The following EZH2 variants were observed in gnomAD, a reference collection of about 807,000 sequenced individuals.
EZH2 encodes histone-lysine N-methyltransferase EZH2.
In EZH2, 18 loss-of-function variants were observed where a neutral mutation model predicts 98.4. That is an observed-to-expected ratio of 0.18 (90% confidence interval 0.13 to 0.27). The LOEUF (loss-of-function observed/expected upper bound fraction) is 0.27. Ranked by LOEUF, EZH2 falls within the 10% of genes least tolerant of loss-of-function variation. EZH2 has a pLI of 1.00. For missense variants in EZH2, 470 were observed against 935.1 expected (o/e 0.50, Z 6.49); for synonymous variants, 338 against 312.3 (o/e 1.08, Z -0.87).
At chr7:148,838,094 G>A (rs1408881568) in intron 3 of EZH2, among the ~76,000 whole-genome samples, 1 of 146,482 alleles carries the variant, frequency 6.8e-6, no homozygotes, top group Non-Finnish European at 1.5e-5. Context: ...TTGAGACAGG[G>A]TCTAGCTCTT....
In EZH2 at chr7:148,875,864, A is replaced by T. The variant is rs146164449; in HGVS notation, c.-8+8300T>A. 1.8e-3 allele frequency among the ~76,000 whole-genome samples: 277 copies of T among 152,340 alleles called. 1 individual carries two copies. The highest frequency in any genetic ancestry group is 6.3e-3 in the African/African-American group (262 of 41,592). ...TGCCTACAATGGAATATTAATTCAG[A>T]GAGTTTACTACAAGTCAGGTGCCGC... On this transcript the variant is annotated intron_variant, in intron 1 of 19. Transcript: ENST00000320356.
intron 10 of EZH2, 82 bp downstream of exon 10, chr7:148,817,795 T>C: frequency 6.4e-7 from 1 of 1,564,690 alleles, no homozygotes; most frequent in Non-Finnish European, 8.7e-7. Context: ...CTAAGAAAAT[T>C]ATTCAATGCA....
chr7:148,857,484 C>T (rs1287349898), intron 1 of EZH2, among the ~76,000 whole-genome samples: 2 of 152,176 alleles, frequency 1.3e-5, no homozygotes, highest in Non-Finnish European at 2.9e-5. Context: ...GGTGCAGTGG[C>T]TCATGCTTGT....
At chr7:148,882,951 C>A (rs1821219836) in intron 1 of EZH2, among the ~76,000 whole-genome samples, 1 of 152,178 alleles carries the variant, frequency 6.6e-6, no homozygotes, top group Admixed American at 6.5e-5. Flanking sequence ...TCACAGAAAA[C>A]GAGACCAATT....
Position 148,828,746 on chromosome 7 carries a change from G to C in EZH2, c.619C>G (p.Arg207Gly). ...EEKQKDLEDH[R>G]DDKESRPPRK... ...TCCTAATAATCAGGCATACCATCTC[G>C]GTGATCCTCCAGATCTTTCTGCTTT... The change falls in exon 6 of 20, where the codon CGA becomes GGA. Residue 207 changes from arginine (R) to glycine (G), a missense_variant. By Grantham distance (125) the Arg-to-Gly change is moderately radical. Transcript: ENST00000320356. 6.2e-7 allele frequency: 1 copy of C among 1,612,686 alleles called. No homozygotes were observed. Among genetic ancestry groups the C allele is most frequent in the Non-Finnish European group, 8.5e-7 (1 of 1,179,756 alleles).
At chr7:148,856,548 T>C (rs1262605181) in intron 1 of EZH2, among the ~76,000 whole-genome samples, 1 of 152,184 alleles carries the variant, frequency 6.6e-6, no homozygotes, top group Non-Finnish European at 1.5e-5. Context: ...AAGACTTTTG[T>C]TTCTAAATAC....
chr7:148,854,803 T>C (rs1469026615), intron 1 of EZH2, among the ~76,000 whole-genome samples: 2 of 152,260 alleles, frequency 1.3e-5, no homozygotes, highest in African/African-American at 4.8e-5. Flanking sequence ...CAGCTGTTAG[T>C]ATCATTTGGC....
intron 1 of EZH2, among the ~76,000 whole-genome samples, chr7:148,852,757 C>G (rs1380645192): frequency 6.6e-6 from 1 of 152,154 alleles, no homozygotes; most frequent in African/African-American, 2.4e-5. Flanking sequence ...CAGACCTTCC[C>G]AAATTTCGGA....
chr7:148,824,940 G>T (rs1807261513), intron 8 of EZH2, among the ~76,000 whole-genome samples: 1 of 151,762 alleles, frequency 6.6e-6, no homozygotes, highest in African/African-American at 2.4e-5. Flanking sequence ...CTAGAATGAG[G>T]TAAGTAACAG....
chr7:148,808,234 C>A (rs184114016), intron 19 of EZH2, among the ~76,000 whole-genome samples: 205 of 152,314 alleles, frequency 1.3e-3, no homozygotes, highest in Middle Eastern at 0.01. Flanking sequence ...GAAGCTCCAC[C>A]CCACACTCTT....
chr7:148,815,604 G>A, intron 12 of EZH2, 58 bp from the exon 13 acceptor site: 1 of 1,466,572 alleles, frequency 6.8e-7, no homozygotes, highest in African/African-American at 1.4e-5. Context: ...AAATCCAACA[G>A]AGAGCTGCTT....
intron 3 of EZH2, 97 bp downstream of exon 3, chr7:148,846,373 C>T (rs1422762197): frequency 2.2e-6 from 3 of 1,365,884 alleles, no homozygotes; most frequent in African/African-American, 1.5e-5. Context: ...GATGGACACC[C>T]TGAGGTCAAT....
intron 1 of EZH2, among the ~76,000 whole-genome samples, chr7:148,848,839 G>A (rs1054748264): frequency 6.6e-5 from 10 of 151,984 alleles, no homozygotes; most frequent in Admixed American, 2.0e-4. Context: ...GACACCCCTC[G>A]GATACCAAAA....
chr7:148,816,095 C>T (rs1701417304), intron 12 of EZH2, among the ~76,000 whole-genome samples: 1 of 152,100 alleles, frequency 6.6e-6, no homozygotes, highest in Non-Finnish European at 1.5e-5. Context: ...CCTTACCTAC[C>T]CAATTAGGTT....
chr7:148,852,927 G>A (rs141394857), intron 1 of EZH2, among the ~76,000 whole-genome samples: 318 of 152,228 alleles, frequency 2.1e-3, no homozygotes, highest in African/African-American at 7.2e-3. Flanking sequence ...AATCCACGAA[G>A]ACTCAAGTCC....
intron 1 of EZH2, among the ~76,000 whole-genome samples, chr7:148,852,909 G>C (rs1816112539): frequency 6.6e-6 from 1 of 152,084 alleles, no homozygotes. Context: ...ACCCCCAACA[G>C]ATACCAAAAT....
intron 3 of EZH2, chr7:148,836,710 T>TA (rs1052896346): frequency 6.9e-4 from 256 of 372,208 alleles, no homozygotes; most frequent in Middle Eastern, 1.8e-3. Context: ...ATCAATGGTT[T>TA]AAAAAAAAAG....
intron 3 of EZH2, chr7:148,837,056 G>C (rs954269699): frequency 1.1e-5 from 5 of 461,354 alleles, no homozygotes; most frequent in Admixed American, 5.0e-5. Flanking sequence ...CACTGTGCTA[G>C]AGACTTTACC....
rs2129484978 is a variant in EZH2, at chr7:148,846,528, C to A, written c.188G>T (p.Arg63Leu). 2.5e-6 allele frequency: 4 copies of A among 1,613,748 alleles called. No individual in the cohort carries two copies. The highest frequency in any genetic ancestry group is 3.4e-6 in the Non-Finnish European group (4 of 1,179,874). ...TEILNQEWKQ[R>L]RIQPVHILTS... is the part of the protein sequence containing the mutation. ...CAGGATGTGCACAGGCTGTATCCTT[C>A]GCTGTTTCCATTCTTGGTTTAAGAT... The change falls in exon 3 of 20, where the codon CGA (arginine) becomes CTA (leucine). Residue 63 changes from arginine to leucine, a missense_variant. Arg to Leu is a moderately radical substitution (Grantham distance 102). Coordinates refer to ENST00000320356, the MANE Select transcript of EZH2 (RefSeq NM_004456.5).
Sources: allele counts gnomAD v4.1 joint callset (sites outside exome capture counted in the v4.1 genomes callset), GRCh38; gene constraint gnomAD v4.1.1; transcripts MANE v1.5; gene names NCBI Gene and HGNC (gene_info 2026-07-23, HGNC 2026-07-21).